Variants in RAB4A observed in about 807,000 individuals in gnomAD.
The protein encoded by RAB4A is RAB4A, member RAS oncogene family.
A neutral mutation model predicts 34.5 loss-of-function variants in RAB4A; 20 were observed. The ratio of observed to expected loss-of-function variants is 0.58; its 90% CI spans 0.41 to 0.84. The LOEUF is 0.84. Among genes scored for constraint, RAB4A ranks in the 40% least tolerant of loss-of-function variants. RAB4A has a pLI of 0.00. For synonymous variants in RAB4A, 102 were observed against 100.0 expected (o/e 1.02, Z -0.12); for missense variants, 228 against 274.5 (o/e 0.83, Z 1.20).
chr1:229,271,124 C>T lies in RAB4A; in HGVS notation c.-216C>T, dbSNP rs1656425416. The T allele has an allele frequency of 2.7e-6, 1 of 366,912 alleles. No individual in the cohort carries two copies. The allele number at this position is 366,912 out of a possible 1,614,324, so 22.7% of individuals were successfully genotyped here. A position where few individuals can be genotyped will look rare whatever the true frequency, so the allele number is the denominator to read the frequency against. The stretch of plus-strand genomic sequence containing the variant: ...GTAGCCCATCTCCTCTTCCTCCTCG[C>T]GGTCGCGGCCGGACGGAGGGTGGAG... On this transcript the variant is annotated 5_prime_UTR_variant, in exon 1 of 8. Transcript: ENST00000366690.
intron 1 of RAB4A, among the ~76,000 whole-genome samples, chr1:229,273,981 C>T (rs1173475326): frequency 2.0e-5 from 3 of 150,920 alleles, no homozygotes; most frequent in African/African-American, 7.3e-5. Context: ...ATTTGCTCTT[C>T]TGTAAAAGGA....
At chr1:229,275,096 C>A (rs1367455597) in intron 1 of RAB4A, among the ~76,000 whole-genome samples, 1 of 152,142 alleles carries the variant, frequency 6.6e-6, no homozygotes, top group East Asian at 1.9e-4. Flanking sequence ...TAAGTCCTAA[C>A]CCCTAGTACC....
At chr1:229,298,786 G>A (rs1197240277) in intron 5 of RAB4A, among the ~76,000 whole-genome samples, 191 bp from the exon 6 acceptor site, 1 of 152,176 alleles carries the variant, frequency 6.6e-6, no homozygotes, top group Non-Finnish European at 1.5e-5. Flanking sequence ...TTTCAGAAAA[G>A]GCTAAAATTC....
chr1:229,276,121 A>C (rs968863706), intron 1 of RAB4A, among the ~76,000 whole-genome samples: 4 of 151,422 alleles, frequency 2.6e-5, no homozygotes, highest in Non-Finnish European at 4.4e-5. Context: ...CATGTTTGTC[A>C]TTTTCTTTTT....
At position 229,282,184 on chromosome 1, in the gene RAB4A, C is replaced by T. The variant is rs237753; in HGVS notation, c.32-4302C>T. On this transcript the variant is annotated intron_variant, in intron 1 of 7. Coordinates refer to ENST00000366690, the MANE Select transcript of RAB4A (RefSeq NM_004578.4). ...GAATGTCTTCATTTACCCTTTATTC[C>T]AGAAAAATAGTTTCACAGGACATAG... Among the ~76,000 whole-genome samples the T allele has an allele frequency of 9.1e-3, 1,384 of 151,964 alleles. 25 individuals carry two copies. The highest frequency in any genetic ancestry group is 0.031 in the African/African-American group (1,283 of 41,460).
intron 3 of RAB4A, among the ~76,000 whole-genome samples, chr1:229,295,402 G>T (rs193236152): frequency 1.1e-3 from 162 of 152,268 alleles, no homozygotes; most frequent in Non-Finnish European, 2.0e-3. Flanking sequence ...TAGGGCCGTG[G>T]TGACTATGGA....
intron 1 of RAB4A, among the ~76,000 whole-genome samples, chr1:229,279,875 A>AGC (rs769580159): frequency 2.0e-4 from 31 of 152,212 alleles, no homozygotes; most frequent in Non-Finnish European, 3.8e-4. Context: ...TGTGAATTTG[A>AGC]GCCCTCAAGT....
chr1:229,298,500 G>C (rs749857056), intron 5 of RAB4A, among the ~76,000 whole-genome samples: 7 of 152,218 alleles, frequency 4.6e-5, no homozygotes, highest in African/African-American at 4.8e-5. Flanking sequence ...CAGCCACTCT[G>C]GTGGGTAGAA....
At chr1:229,271,764 G>A (rs368964756) in intron 1 of RAB4A, among the ~76,000 whole-genome samples, 1 of 152,348 alleles carries the variant, frequency 6.6e-6, no homozygotes. Flanking sequence ...GAAGGGCTTA[G>A]GGCGACGCCT....
rs562364968 is a variant in RAB4A at position 229,279,429 on chromosome 1, T to C, written c.32-7057T>C. On this transcript the variant is annotated intron_variant, in intron 1 of 7. Transcript: ENST00000366690. Reference sequence around the variant, plus strand: ...CATCCCCTGCTGTCCCCATCTGCCTTTGTGCCTGTAGTTCACAGTCCTACT... The same window carrying C: ...CATCCCCTGCTGTCCCCATCTGCCTCTGTGCCTGTAGTTCACAGTCCTACT... 1.3e-4 allele frequency among the ~76,000 whole-genome samples: 20 copies of C among 152,356 alleles called. 1 individual carries two copies. The highest frequency in any genetic ancestry group is 4.6e-4 in the African/African-American group (19 of 41,580).
rs34421562 is a variant in RAB4A, at chr1:229,303,495, G to A, written c.*13-311G>A. On this transcript the variant is annotated intron_variant, in intron 7 of 7. Transcript: ENST00000366690. ...GGGCAGGTGGTGGTTGATGGGAAGGGTGAGATATCCTGATTCCTTATGTCA... is the reference window on the plus strand; with the variant it reads ...GGGCAGGTGGTGGTTGATGGGAAGGATGAGATATCCTGATTCCTTATGTCA... 3.3e-3 allele frequency among the ~76,000 whole-genome samples: 501 copies of A among 152,284 alleles called. 3 individuals carry two copies. Among genetic ancestry groups the A allele is most frequent in the Non-Finnish European group, 4.2e-3 (283 of 68,012 alleles).
intron 2 of RAB4A, 100 bp downstream of exon 2, chr1:229,286,666 G>A: frequency 4.3e-6 from 3 of 692,496 alleles, no homozygotes; most frequent in Non-Finnish European, 7.1e-6. Flanking sequence ...GAGGAAAAAA[G>A]TAATAGTTTG....
chr1:229,292,581 T>C (rs892568541), intron 3 of RAB4A, among the ~76,000 whole-genome samples: 1 of 152,180 alleles, frequency 6.6e-6, no homozygotes, highest in Non-Finnish European at 1.5e-5. Context: ...CGTGTGCCTC[T>C]TGCTAACAGT....
At chr1:229,303,017 G>C in intron 7 of RAB4A, 28 bp downstream of exon 7, 1 of 1,507,212 alleles carries the variant, frequency 6.6e-7, no homozygotes, top group South Asian at 1.1e-5. Context: ...CCTGCCCTGA[G>C]TTCCTGGCAA....
At position 229,285,380 on chromosome 1, in the gene RAB4A, A is replaced by G. The variant is rs140164366; in HGVS notation, c.32-1106A>G. On this transcript the variant is annotated intron_variant, in intron 1 of 7. Coordinates refer to ENST00000366690, the MANE Select transcript of RAB4A (RefSeq NM_004578.4). ...TTTGATTGCCTGTAACCATGTGAAT[A>G]TTATGAGAGGTTGAATAGGCTTCAT... Among the ~76,000 whole-genome samples, 3 of 152,270 alleles carry G rather than the reference A, an allele frequency of 2.0e-5. No individual in the cohort carries two copies. The East Asian group carries it at 5.8e-4, about 29-fold the overall frequency.
chr1:229,282,679 C>T (rs1364234228), intron 1 of RAB4A, among the ~76,000 whole-genome samples: 1 of 152,174 alleles, frequency 6.6e-6, no homozygotes, highest in Non-Finnish European at 1.5e-5. Context: ...TCATCTAGTT[C>T]ACTGATTCTT....
chr1:229,297,615 T>G lies in RAB4A; in HGVS notation c.424T>G (p.Ser142Ala), dbSNP rs1215181509. 3 of 1,592,862 alleles carry G rather than the reference T, an allele frequency of 1.9e-6. No homozygotes were observed. Among genetic ancestry groups the G allele is most frequent in the African/African-American group, 1.4e-5 (1 of 73,970 alleles). Residue 142 changes from serine to alanine, a missense_variant, in exon 5 of 8, where the codon TCC (serine) becomes GCC (alanine). Coordinates refer to ENST00000366690, the MANE Select transcript of RAB4A (RefSeq NM_004578.4). ...TCGTGAAGTTACCTTCTTAGAAGCCTCCAGATTTGCTCAAGAAAATGGCAA... is the reference window on the plus strand; with the variant it reads ...TCGTGAAGTTACCTTCTTAGAAGCCGCCAGATTTGCTCAAGAAAATGGCAA... ...ADREVTFLEA[S>A]RFAQENELMF...
chr1:229,302,288 TATATATATATA>T lies in RAB4A; in HGVS notation c.542-573_542-563del, dbSNP rs1435920041. 6.3e-3 allele frequency among the ~76,000 whole-genome samples: 151 copies of T among 24,122 alleles called. 7 individuals are homozygous for T. The highest frequency in any genetic ancestry group is 0.025 in the African/African-American group (145 of 5,876). The allele number at this position is 24,122 out of a possible 152,430, so 15.8% of individuals were successfully genotyped here. A position where few individuals can be genotyped will look rare whatever the true frequency, so the allele number is the denominator to read the frequency against. On this transcript the variant is annotated intron_variant, in intron 6 of 7. Transcript: ENST00000366690. ...ATATATATATATATATATATATATA[TATATATATATA>T]TATATATATATTTTTTTTTTTTTTT...
rs776760094 is a variant in RAB4A at position 229,305,219 on chromosome 1, A to T, written c.*1426A>T. 6.2e-7 allele frequency: 1 copy of T among 1,610,014 alleles called. No individual in the cohort carries two copies. The highest frequency in any genetic ancestry group is 1.1e-5 in the South Asian group (1 of 90,046). On this transcript the variant is annotated 3_prime_UTR_variant, in exon 8 of 8. Coordinates refer to ENST00000366690, the MANE Select transcript of RAB4A (RefSeq NM_004578.4). ...TTATGCCTTGAATATTTTATTTCAAAAAGTATCTGAAGCAAATTCTCAGAC... is the reference window on the plus strand; with the variant it reads ...TTATGCCTTGAATATTTTATTTCAATAAGTATCTGAAGCAAATTCTCAGAC...
Sources: allele counts gnomAD v4.1 joint callset (sites outside exome capture counted in the v4.1 genomes callset), GRCh38; gene constraint gnomAD v4.1.1; transcripts MANE v1.5; gene names NCBI Gene and HGNC (gene_info 2026-07-23, HGNC 2026-07-21).